ANKRD45: variants seen among roughly 807,000 people sequenced by gnomAD.
The protein encoded by ANKRD45 is ankyrin repeat domain 45.
A neutral mutation model predicts 28.1 loss-of-function variants in ANKRD45; 21 were observed. The observed-to-expected ratio is 0.75, with a 90% CI of 0.53 to 1.08. ANKRD45 has a LOEUF of 1.08. Among genes scored for constraint, ANKRD45 ranks in the 50% least tolerant of loss-of-function variants. ANKRD45 has a pLI of 0.00. For missense variants in ANKRD45, 261 were observed against 308.7 expected (o/e 0.85, Z 1.16); for synonymous variants, 86 against 103.9 (o/e 0.83, Z 1.05).
At chr1:173,684,331 G>C in the ANKRD45 span, among the ~76,000 whole-genome samples, 2 of 152,136 alleles carry the variant, frequency 1.3e-5, no homozygotes, top group Admixed American at 6.6e-5. Context: ...CCTTACAGCT[G>C]TCTTTTCAAA....
intron 3 of ANKRD45, among the ~76,000 whole-genome samples, chr1:173,637,598 C>T (rs1220810066): frequency 1.3e-5 from 2 of 152,170 alleles, no homozygotes; most frequent in African/African-American, 4.8e-5. Flanking sequence ...TTCTAAGTTG[C>T]TAGCCAATCA....
intron 2 of ANKRD45, among the ~76,000 whole-genome samples, chr1:173,648,940 G>T (rs1669054425): frequency 6.6e-6 from 1 of 152,164 alleles, no homozygotes; most frequent in Non-Finnish European, 1.5e-5. Flanking sequence ...TTAGTGGAAA[G>T]CTGGGGTTTT....
the ANKRD45 span, among the ~76,000 whole-genome samples, chr1:173,677,183 T>C: frequency 6.9e-6 from 1 of 145,814 alleles, no homozygotes; most frequent in African/African-American, 2.5e-5. Context: ...TGAAGGATTT[T>C]AAAAAAAAAA....
At chr1:173,708,069 C>T in the ANKRD45 span, among the ~76,000 whole-genome samples, 1 of 152,344 alleles carries the variant, frequency 6.6e-6, no homozygotes, top group Non-Finnish European at 1.5e-5. Flanking sequence ...AATAATATCT[C>T]TTAGGGTTAA....
intron 5 of ANKRD45, among the ~76,000 whole-genome samples, chr1:173,617,927 G>A (rs576235694): frequency 4.6e-5 from 7 of 152,302 alleles, no homozygotes; most frequent in African/African-American, 1.4e-4. Context: ...AAAGAAAAGA[G>A]CAGGTTGTTG....
the ANKRD45 span, among the ~76,000 whole-genome samples, chr1:173,699,074 G>T: frequency 0.014 from 2,062 of 152,170 alleles, 46 homozygotes; most frequent in African/African-American, 0.045. Context: ...AAATCTAGAA[G>T]AAATGGATAA....
the ANKRD45 span, among the ~76,000 whole-genome samples, chr1:173,696,708 T>G: frequency 6.6e-6 from 1 of 152,192 alleles, no homozygotes; most frequent in Non-Finnish European, 1.5e-5. Flanking sequence ...AGTAATGTGA[T>G]GCATCCAGCT....
Position 173,609,361 on chromosome 1 carries a change from C to T in ANKRD45, c.*784G>A, listed in dbSNP as rs1667049358. Among the ~76,000 whole-genome samples, 1 of 152,156 alleles carries T rather than the reference C, an allele frequency of 6.6e-6. No homozygotes were observed. The highest frequency in any genetic ancestry group is 2.1e-4 in the South Asian group (1 of 4,832). ...AAAAACCATCTTCTTTTCTATAAAA[C>T]TTTTCCATAAAGTCACAACGTAAGA... On this transcript the variant is annotated 3_prime_UTR_variant, in exon 6 of 6. Coordinates refer to ENST00000333279, the MANE Select transcript of ANKRD45 (RefSeq NM_198493.3).
the ANKRD45 span, among the ~76,000 whole-genome samples, chr1:173,685,967 G>A: frequency 9.2e-5 from 14 of 152,072 alleles, no homozygotes; most frequent in South Asian, 8.3e-4. Flanking sequence ...AAACCGGTTG[G>A]GGCAGTCCAT....
the ANKRD45 span, among the ~76,000 whole-genome samples, chr1:173,692,060 GGAATGAGTTAGGGTGGAGCAGATGATCA>G: frequency 1.3e-5 from 2 of 152,146 alleles, no homozygotes; most frequent in Admixed American, 6.5e-5. Context: ...GCAGCTGATT[GGAATGAGTTAGGGTGGAGCAGATGATCA>G]GAATGAGTTA....
intron 4 of ANKRD45, among the ~76,000 whole-genome samples, chr1:173,626,119 T>G (rs1042940630): frequency 1.3e-5 from 2 of 152,178 alleles, no homozygotes; most frequent in South Asian, 2.1e-4. Flanking sequence ...TGCAGAGTAC[T>G]CTACAAGACA....
chr1:173,672,032 G>C (rs1670277905), upstream of ANKRD45, among the ~76,000 whole-genome samples: 1 of 151,992 alleles, frequency 6.6e-6, no homozygotes. Context: ...TCTAAAACTT[G>C]CCTCGGTCTC....
chr1:173,696,173 C>G, the ANKRD45 span, among the ~76,000 whole-genome samples: 1 of 152,128 alleles, frequency 6.6e-6, no homozygotes. Context: ...CCCGGACACC[C>G]AGCTTTAAAA....
chr1:173,696,955 T>G, the ANKRD45 span, among the ~76,000 whole-genome samples: 1 of 151,784 alleles, frequency 6.6e-6, no homozygotes, highest in East Asian at 1.9e-4. Context: ...GAATAAACAG[T>G]GTAGAGAAGA....
At chr1:173,690,927 C>T in the ANKRD45 span, among the ~76,000 whole-genome samples, 1 of 152,124 alleles carries the variant, frequency 6.6e-6, no homozygotes, top group African/African-American at 2.4e-5. Context: ...TCAATTTCCC[C>T]ACTGGAAATT....
rs1669677451 is a variant in ANKRD45, at chr1:173,659,220, T to C, written c.199A>G (p.Met67Val). 1.2e-6 allele frequency: 2 copies of C among 1,614,090 alleles called. No homozygotes were observed. The highest frequency in any genetic ancestry group is 1.3e-5 in the African/African-American group (1 of 74,946). Residue 67 changes from methionine (M) to valine (V), a missense_variant, in exon 2 of 6, where the codon ATG (methionine) becomes GTG (valine). Coordinates refer to ENST00000333279, the MANE Select transcript of ANKRD45 (RefSeq NM_198493.3). ...ATGTCTTCTTCTAAGAGAAGCTGCA[T>C]GGCCTGTTCATGATGAGGATTCTCA... ...DPENPHHEQAMQLLLEEDIVG... is the reference protein window; with the variant it reads ...DPENPHHEQAVQLLLEEDIVG...
rs902895145 is a variant in ANKRD45, at chr1:173,609,933, G to A, written c.*212C>T. The A allele has an allele frequency of 7.4e-6, 4 of 543,666 alleles. No individual in the cohort carries two copies. The highest frequency in any genetic ancestry group is 1.9e-5 in the African/African-American group (1 of 52,384). The allele number at this position is 543,666 out of a possible 1,614,324, so 33.7% of individuals were successfully genotyped here. A position where few individuals can be genotyped will look rare whatever the true frequency, so the allele number is the denominator to read the frequency against. The stretch of plus-strand genomic sequence containing the variant: ...CCCAAGTGCTTTCCTGAAGGAGCAC[G>A]TGAAACTCACATGGGGCTGTGCTTG... On this transcript the variant is annotated 3_prime_UTR_variant, in exon 6 of 6. Transcript: ENST00000333279.
chr1:173,680,735 T>C, the ANKRD45 span, among the ~76,000 whole-genome samples: 3 of 151,526 alleles, frequency 2.0e-5, no homozygotes, highest in Admixed American at 1.3e-4. Context: ...CCACCACTAA[T>C]AGACTGGAAA....
At chr1:173,686,567 G>C in the ANKRD45 span, among the ~76,000 whole-genome samples, 1 of 152,104 alleles carries the variant, frequency 6.6e-6, no homozygotes, top group Non-Finnish European at 1.5e-5. Flanking sequence ...AAAATCTTGG[G>C]GTGGTACCTG....
Sources: allele counts gnomAD v4.1 joint callset (sites outside exome capture counted in the v4.1 genomes callset), GRCh38; gene constraint gnomAD v4.1.1; transcripts MANE v1.5; gene names NCBI Gene and HGNC (gene_info 2026-07-23, HGNC 2026-07-21).